Variants in KIF6 observed in about 807,000 individuals in gnomAD.
The protein encoded by KIF6 is kinesin family member 6.
KIF6 carries 106 observed loss-of-function variants against 112.7 expected under a neutral mutation model. That is an observed-to-expected ratio of 0.94 (90% CI 0.80 to 1.11). The LOEUF (loss-of-function observed/expected upper bound fraction) is 1.11, where lower values mean the gene tolerates loss of function less well. Ranked by LOEUF, KIF6 falls within the 50% of genes least tolerant of loss-of-function variation. The probability of loss-of-function intolerance (pLI) is 0.00; values close to 1 mark genes in which losing one functional copy is unlikely to be tolerated. For synonymous variants in KIF6, 339 were observed against 339.9 expected, an observed-to-expected ratio of 1.00 and a Z score of 0.03; for missense variants, 929 against 964.0, an observed-to-expected ratio of 0.96 and a Z score of 0.48.
chr6:39,453,184 T>G (rs1772816834), intron 13 of KIF6, among the ~76,000 whole-genome samples: 2 of 152,196 alleles, frequency 1.3e-5, no homozygotes, highest in South Asian at 4.1e-4. Flanking sequence ...TTAATGGTCT[T>G]TGGCTGAGGA....
chr6:39,585,098 A>G (rs1781551038), intron 8 of KIF6, 114 bp from the exon 9 acceptor site: 2 of 645,534 alleles, frequency 3.1e-6, no homozygotes, highest in African/African-American at 1.8e-5. Context: ...AGTGATGTGT[A>G]TAAAACTCAC....
intron 3 of KIF6, among the ~76,000 whole-genome samples, chr6:39,686,311 C>T (rs573710782): frequency 5.9e-5 from 9 of 152,118 alleles, no homozygotes; most frequent in Non-Finnish European, 1.2e-4. Context: ...ACCAGAATTA[C>T]CCCTTTTATT....
At chr6:39,646,150 T>A (rs1785161511) in intron 3 of KIF6, among the ~76,000 whole-genome samples, 1 of 141,504 alleles carries the variant, frequency 7.1e-6, no homozygotes, top group South Asian at 2.3e-4. Context: ...AATAAATAAA[T>A]AAAGATGAGA....
At chr6:39,360,601 T>C (rs1417498668) in intron 17 of KIF6, 71 bp from the exon 18 acceptor site, 1 of 1,574,282 alleles carries the variant, frequency 6.4e-7, no homozygotes, top group Non-Finnish European at 8.7e-7. Context: ...GGGCTGTAAA[T>C]GAATGGGGCC....
chr6:39,615,149 G>A (rs1459546984), intron 5 of KIF6, among the ~76,000 whole-genome samples: 1 of 151,650 alleles, frequency 6.6e-6, no homozygotes, highest in Non-Finnish European at 1.5e-5. Flanking sequence ...CTCCAGTCTG[G>A]GAGACGGAGC....
At chr6:39,453,829 T>C (rs768579060) in intron 13 of KIF6, among the ~76,000 whole-genome samples, 5 of 152,196 alleles carry the variant, frequency 3.3e-5, no homozygotes, top group Non-Finnish European at 5.9e-5. Flanking sequence ...AAATATTCCT[T>C]AATTATTAAA....
intron 15 of KIF6, among the ~76,000 whole-genome samples, chr6:39,403,836 G>A (rs1172107810): frequency 2.0e-5 from 3 of 152,166 alleles, no homozygotes; most frequent in Non-Finnish European, 4.4e-5. Flanking sequence ...AACATTTTAA[G>A]CTATTCTAAT....
rs192838823 is a variant in KIF6 at position 39,549,691 on chromosome 6, A to G, written c.1182-4003T>C. On this transcript the variant is annotated intron_variant, in intron 10 of 22. Transcript: ENST00000287152. The stretch of plus-strand genomic sequence containing the variant: ...GAAAAGCAGTTGCTTAGATCTTAGC[A>G]AGGCCACGGACCCCCATGACTTGTA... Among the ~76,000 whole-genome samples, 468 of 152,352 alleles carry G rather than the reference A, an allele frequency of 3.1e-3. 5 individuals carry two copies. The highest frequency in any genetic ancestry group is 9.5e-3 in the African/African-American group (394 of 41,590).
intron 15 of KIF6, among the ~76,000 whole-genome samples, chr6:39,395,737 G>A (rs1166777514): frequency 6.6e-6 from 1 of 152,144 alleles, no homozygotes; most frequent in East Asian, 1.9e-4. Context: ...GTGTGGGTGG[G>A]ACAGGTATAT....
At chr6:39,697,993 C>G (rs1788655656) in intron 3 of KIF6, among the ~76,000 whole-genome samples, 1 of 152,174 alleles carries the variant, frequency 6.6e-6, no homozygotes, top group African/African-American at 2.4e-5. Context: ...TATAATATTA[C>G]TCATATAATT....
chr6:39,538,359 CAAATTT>C (rs1778569621), intron 13 of KIF6, among the ~76,000 whole-genome samples: 1 of 151,544 alleles, frequency 6.6e-6, no homozygotes, highest in Non-Finnish European at 1.5e-5. Context: ...TGAACTCAAA[CAAATTT>C]ACAAGAAAAA....
intron 3 of KIF6, among the ~76,000 whole-genome samples, chr6:39,701,454 C>T (rs779335657): frequency 6.6e-6 from 1 of 152,212 alleles, no homozygotes; most frequent in Admixed American, 6.5e-5. Context: ...GCTCTGTGCC[C>T]GAGCCTGCCT....
intron 7 of KIF6, 99 bp downstream of exon 7, chr6:39,595,955 A>G: frequency 1.1e-6 from 1 of 886,876 alleles, no homozygotes; most frequent in Non-Finnish European, 1.7e-6. Context: ...TATATATTTC[A>G]TCATAATAAA....
At chr6:39,368,632 C>T (rs1167556075) in intron 16 of KIF6, among the ~76,000 whole-genome samples, 2 of 152,194 alleles carry the variant, frequency 1.3e-5, no homozygotes, top group Non-Finnish European at 2.9e-5. Context: ...TAACCGAAAT[C>T]CATGACCTGT....
At chr6:39,545,895 A>T (rs1337392975) in intron 10 of KIF6, among the ~76,000 whole-genome samples, 1 of 152,174 alleles carries the variant, frequency 6.6e-6, no homozygotes, top group Non-Finnish European at 1.5e-5. Context: ...ATTTCCAGTG[A>T]ATTTTCTTAT....
intron 3 of KIF6, among the ~76,000 whole-genome samples, chr6:39,682,641 G>T (rs185171314): frequency 6.6e-6 from 1 of 152,020 alleles, no homozygotes; most frequent in Non-Finnish European, 1.5e-5. Context: ...GTGCAGTGGC[G>T]CAATTTTGGC....
chr6:39,574,064 T>A (rs1780789333), intron 10 of KIF6, among the ~76,000 whole-genome samples: 1 of 152,240 alleles, frequency 6.6e-6, no homozygotes, highest in Non-Finnish European at 1.5e-5. Flanking sequence ...CAGAAATCAA[T>A]CCAGGATCTA....
intron 5 of KIF6, among the ~76,000 whole-genome samples, chr6:39,622,973 G>T (rs1009467108): frequency 1.3e-5 from 2 of 152,136 alleles, no homozygotes; most frequent in Non-Finnish European, 2.9e-5. Context: ...GGTGAGGCTT[G>T]GGGTGTGGCA....
Position 39,337,163 on chromosome 6 carries a change from CT to C in KIF6, c.2429-616del, listed in dbSNP as rs879570605. Among the ~76,000 whole-genome samples, 84 of 68,798 alleles carry C rather than the reference CT, an allele frequency of 1.2e-3. 2 individuals are homozygous for C. The highest frequency in any genetic ancestry group is 7.6e-3 in the Middle Eastern group (1 of 132). 45.1% of individuals were successfully genotyped at this position (68,798 alleles called of 152,430 possible). On this transcript the variant is annotated intron_variant, in intron 22 of 22. Transcript: ENST00000287152. ...TCCTTCCTTTCTCTTTCTTTTCTTTCTTTCCTTCCTTCTTTCTTTCTTTCTT... is the reference window on the plus strand; with the variant it reads ...TCCTTCCTTTCTCTTTCTTTTCTTTCTTCCTTCCTTCTTTCTTTCTTTCTT...
Sources: allele counts gnomAD v4.1 joint callset (sites outside exome capture counted in the v4.1 genomes callset), GRCh38; gene constraint gnomAD v4.1.1; transcripts MANE v1.5; gene names NCBI Gene and HGNC (gene_info 2026-07-23, HGNC 2026-07-21).